PIK3CG: variants seen among roughly 807,000 people sequenced by gnomAD.
The protein encoded by PIK3CG is phosphatidylinositol-4,5-bisphosphate 3-kinase catalytic subunit gamma, also known as phosphatidylinositol 4,5-bisphosphate 3-kinase catalytic subunit gamma isoform.
A neutral mutation model predicts 102.3 loss-of-function variants in PIK3CG; 55 were observed. That is an observed-to-expected ratio of 0.54 (90% CI 0.43 to 0.67). The LOEUF is 0.67. PIK3CG is among the 30% of genes least tolerant of loss of function. The pLI is 0.00. For missense variants in PIK3CG, 1,258 were observed against 1,391.8 expected, an observed-to-expected ratio of 0.90 and a Z score of 1.53; for synonymous variants, 552 against 540.0, an observed-to-expected ratio of 1.02 and a Z score of -0.31.
At chr7:106,882,655 C>T (rs1288985516) in intron 7 of PIK3CG, 2 of 183,430 alleles carry the variant, frequency 1.1e-5, no homozygotes, top group Admixed American at 6.1e-5. Flanking sequence ...TATGTTTATT[C>T]AAGTTTCTGA....
At position 106,906,065 on chromosome 7, in the gene PIK3CG, T is replaced by G. The variant is rs1376850722; in HGVS notation, c.*678T>G. 4.4e-6 allele frequency: 1 copy of G among 226,776 alleles called. No individual in the cohort carries two copies. The highest frequency in any genetic ancestry group is 8.7e-6 in the Non-Finnish European group (1 of 114,800). The allele number at this position is 226,776 out of a possible 1,614,324, so 14.0% of individuals were successfully genotyped here. On this transcript the variant is annotated 3_prime_UTR_variant, in exon 11 of 11. Coordinates refer to ENST00000496166, the MANE Select transcript of PIK3CG (RefSeq NM_001282426.2). ...ATGAAAAAATAGAGATGAGACTTTT[T>G]GTGTCAACTCTGTCCACAAGAGTGA...
rs549170953 is a variant in PIK3CG, at chr7:106,868,692, C to A, written c.1131C>A (p.Thr377=). The A allele has an allele frequency of 6.8e-6, 11 of 1,614,206 alleles. No homozygotes were observed. The East Asian group carries it at 2.2e-4, about 33-fold the overall frequency. The change falls in exon 2 of 11, where the codon ACC becomes ACA. Residue 377 remains threonine (T), a synonymous_variant. Coordinates refer to ENST00000496166, the MANE Select transcript of PIK3CG (RefSeq NM_001282426.2). This position sits in a 1 kb window ranked among gnomAD's most constrained non-coding sequence, Gnocchi z 6.2. The stretch of plus-strand genomic sequence containing the variant: ...ATATCCCCGTCCTGCCTCGGAACAC[C>A]GACCTCACAGTTTTTGTAGAGGCAA... ...GIDIPVLPRN[T]DLTVFVEANI...
Position 106,895,679 on chromosome 7 carries a change from T to TAGCGTTG in PIK3CG, c.3030+9389_3030+9395dup, listed in dbSNP as rs1791389708. ...TGGTCTAGAGGGACAGTGAGCCCCT[T>TAGCGTTG]AGCGTTGAACAGTATGTGTATTCAA... On this transcript the variant is annotated intron_variant, in intron 10 of 10. Coordinates refer to ENST00000496166, the MANE Select transcript of PIK3CG (RefSeq NM_001282426.2). The surrounding 1 kb of genome is among the most constrained non-coding windows in gnomAD (Gnocchi z 5.4). 6.6e-6 allele frequency among the ~76,000 whole-genome samples: 1 copy of TAGCGTTG among 152,178 alleles called. No homozygotes were observed. Among genetic ancestry groups the TAGCGTTG allele is most frequent in the Non-Finnish European group, 1.5e-5 (1 of 68,032 alleles).
rs754310321 is a variant in PIK3CG, at chr7:106,883,021, A to G, written c.2630-12A>G. ...CCCCAATCTCCATCAGACTCTGTGC[A>G]TCCTTCTGTAGGAATGATCGAGATT... On this transcript the variant is annotated splice_polypyrimidine_tract_variant and intron_variant, in intron 7 of 10. Transcript: ENST00000496166. This position sits in a 1 kb window ranked among gnomAD's most constrained non-coding sequence, Gnocchi z 5.8. 13 of 1,613,448 alleles carry G rather than the reference A, an allele frequency of 8.1e-6. No homozygotes were observed. The South Asian group carries it at 1.3e-4, about 16-fold the overall frequency.
Position 106,903,741 on chromosome 7 carries a change from T to G in PIK3CG, c.3031-1368T>G, listed in dbSNP as rs1258661408. On this transcript the variant is annotated intron_variant, in intron 10 of 10. Coordinates refer to ENST00000496166, the MANE Select transcript of PIK3CG (RefSeq NM_001282426.2). This position sits in a 1 kb window ranked among gnomAD's most constrained non-coding sequence, Gnocchi z 4.3. ...TAAGTTTTCCTTCACTTTTCTGATT[T>G]TATTTTTTTTATTTATTTATTTATT... 4.3e-5 allele frequency among the ~76,000 whole-genome samples: 1 copy of G among 23,176 alleles called. No individual in the cohort carries two copies. The highest frequency in any genetic ancestry group is 1.3e-4 in the Non-Finnish European group (1 of 7,424). 15.2% of individuals were successfully genotyped at this position (23,176 alleles called of 152,430 possible).
Position 106,902,594 on chromosome 7 carries a change from GTTACTT to G in PIK3CG, c.3031-2512_3031-2507del, listed in dbSNP as rs1791587766. ...AGGTAAATTTTCCATCTCATTTTAAGTTACTTTTTTTAATATTAATGAAGTTGCATT... is the reference window on the plus strand; with the variant it reads ...AGGTAAATTTTCCATCTCATTTTAAGTTTTTAATATTAATGAAGTTGCATT... On this transcript the variant is annotated intron_variant, in intron 10 of 10. Coordinates refer to ENST00000496166, the MANE Select transcript of PIK3CG (RefSeq NM_001282426.2). The surrounding 1 kb of genome is among the most constrained non-coding windows in gnomAD (Gnocchi z 4.3). Among the ~76,000 whole-genome samples the G allele has an allele frequency of 6.7e-6, 1 of 149,938 alleles. No individual in the cohort carries two copies. The highest frequency in any genetic ancestry group is 2.4e-5 in the African/African-American group (1 of 40,924).
In PIK3CG at chr7:106,880,403, C is replaced by T. The variant is rs1316910229; in HGVS notation, c.2538+738C>T. On this transcript the variant is annotated intron_variant, in intron 6 of 10. Transcript: ENST00000496166. The surrounding 1 kb of genome is among the most constrained non-coding windows in gnomAD (Gnocchi z 4.2). Reference sequence around the variant, plus strand: ...TTCCAATTGTAAGTTTCTGTTTTTACTTATTTCTAATATAGAAACAGGAAT... The same window carrying T: ...TTCCAATTGTAAGTTTCTGTTTTTATTTATTTCTAATATAGAAACAGGAAT... 6.6e-6 allele frequency among the ~76,000 whole-genome samples: 1 copy of T among 152,084 alleles called. No homozygotes were observed. Among genetic ancestry groups the T allele is most frequent in the East Asian group, 1.9e-4 (1 of 5,194 alleles).
At position 106,872,747 on chromosome 7, in the gene PIK3CG, T is replaced by C. The variant is rs1160760959; in HGVS notation, c.2096T>C (p.Leu699Ser). The C allele has an allele frequency of 1.2e-6, 2 of 1,613,920 alleles. No homozygotes were observed. The highest frequency in any genetic ancestry group is 1.7e-6 in the Non-Finnish European group (2 of 1,179,902). The change falls in exon 4 of 11, where the codon TTG (leucine) becomes TCG (serine). Residue 699 changes from leucine (L) to serine (S), a missense_variant. By Grantham distance (145) the Leu-to-Ser change is moderately radical. Coordinates refer to ENST00000496166, the MANE Select transcript of PIK3CG (RefSeq NM_001282426.2). This position sits in a 1 kb window ranked among gnomAD's most constrained non-coding sequence, Gnocchi z 5.3. ...ATTGGTCACTTTTTGTTTTGGTTCT[T>C]GAGAAGTGAGATAGCCCAGTCCAGA... ...KRIGHFLFWF[L>S]RSEIAQSRHY...
At position 106,869,738 on chromosome 7, in the gene PIK3CG, C is replaced by A. The variant is rs28763990; in HGVS notation, c.1995+182C>A. Among the ~76,000 whole-genome samples, 1 of 152,042 alleles carries A rather than the reference C, an allele frequency of 6.6e-6. No individual in the cohort carries two copies. Among genetic ancestry groups the A allele is most frequent in the African/African-American group, 2.4e-5 (1 of 41,416 alleles). ...TGTTCCATGTACATTTTTACTGTCT[C>A]GGAGGGTTTGCTGACAAGGGTTTTG... On this transcript the variant is annotated intron_variant, in intron 2 of 10. Transcript: ENST00000496166. This position sits in a 1 kb window ranked among gnomAD's most constrained non-coding sequence, Gnocchi z 5.3.
In PIK3CG at chr7:106,897,115, T is replaced by G. The variant is rs1410398493; in HGVS notation, c.3031-7994T>G. On this transcript the variant is annotated intron_variant, in intron 10 of 10. Coordinates refer to ENST00000496166, the MANE Select transcript of PIK3CG (RefSeq NM_001282426.2). This position sits in a 1 kb window ranked among gnomAD's most constrained non-coding sequence, Gnocchi z 4.6. The stretch of plus-strand genomic sequence containing the variant: ...ATTAAATATCCTTCTACAGTATCTT[T>G]CTAGTAGTTCCAGGACATGCAATTT... 6.6e-6 allele frequency among the ~76,000 whole-genome samples: 1 copy of G among 152,258 alleles called. No individual in the cohort carries two copies. Among genetic ancestry groups the G allele is most frequent in the Non-Finnish European group, 1.5e-5 (1 of 68,048 alleles).
intron 10 of PIK3CG, among the ~76,000 whole-genome samples, chr7:106,904,341 T>C (rs1022181099): frequency 6.6e-6 from 1 of 152,214 alleles, no homozygotes; most frequent in African/African-American, 2.4e-5. Flanking sequence ...TTTTCTTTAA[T>C]ATACTATCTT....
At chr7:106,882,878 G>T in intron 7 of PIK3CG, 155 bp from the exon 8 acceptor site, 1 of 505,484 alleles carries the variant, frequency 2.0e-6, no homozygotes, top group Non-Finnish European at 3.2e-6. Context: ...TTCCTCATAA[G>T]AAAACCAATA....
At position 106,905,049 on chromosome 7, in the gene PIK3CG, T is replaced by G. The variant is rs574526146; in HGVS notation, c.3031-60T>G. The G allele has an allele frequency of 1.3e-5, 19 of 1,454,024 alleles. No individual in the cohort carries two copies. In the East Asian group the frequency reaches 4.1e-4, roughly 31 times the overall value. The allele number at this position is 1,454,024 out of a possible 1,614,324, so 90.1% of individuals were successfully genotyped here. A position where few individuals can be genotyped will look rare whatever the true frequency, so the allele number is the denominator to read the frequency against. ...TACATTTCAGTACATCCCTGTAATC[T>G]TCAGCCTACTTGTTAGTTACCATAA... On this transcript the variant is annotated intron_variant, in intron 10 of 10. Coordinates refer to ENST00000496166, the MANE Select transcript of PIK3CG (RefSeq NM_001282426.2). This position sits in a 1 kb window ranked among gnomAD's most constrained non-coding sequence, Gnocchi z 5.6.
intron 10 of PIK3CG, among the ~76,000 whole-genome samples, chr7:106,888,824 T>C (rs1472944894): frequency 6.6e-6 from 1 of 152,228 alleles, no homozygotes; most frequent in East Asian, 1.9e-4. Context: ...TGAGTTTGAA[T>C]GCTGGACCTG....
Position 106,867,413 on chromosome 7 carries a change from C to T in PIK3CG, c.-12-137C>T. 1 of 761,180 alleles carries T rather than the reference C, an allele frequency of 1.3e-6. No individual in the cohort carries two copies. Among genetic ancestry groups the T allele is most frequent in the East Asian group, 2.6e-5 (1 of 39,034 alleles). 47.2% of individuals were successfully genotyped at this position (761,180 alleles called of 1,614,324 possible). Reference sequence around the variant, plus strand: ...CACGCTCTGAAGGGCTGTAGTGCTTCCAGTTTAAAATACTTGGTCCCTCTG... The same window carrying T: ...CACGCTCTGAAGGGCTGTAGTGCTTTCAGTTTAAAATACTTGGTCCCTCTG... On this transcript the variant is annotated intron_variant, in intron 1 of 10. Coordinates refer to ENST00000496166, the MANE Select transcript of PIK3CG (RefSeq NM_001282426.2). This position sits in a 1 kb window ranked among gnomAD's most constrained non-coding sequence, Gnocchi z 5.1.
intron 2 of PIK3CG, among the ~76,000 whole-genome samples, chr7:106,870,207 A>G (rs1448646173): frequency 6.6e-6 from 1 of 152,190 alleles, no homozygotes; most frequent in Non-Finnish European, 1.5e-5. Flanking sequence ...AATATCTCAT[A>G]TCTGGGTAGA....
intron 6 of PIK3CG, among the ~76,000 whole-genome samples, chr7:106,881,356 G>A (rs1235130415): frequency 2.6e-5 from 4 of 152,136 alleles, no homozygotes; most frequent in African/African-American, 9.7e-5. Context: ...CCACATTATA[G>A]GGCAATGCAA....
intron 5 of PIK3CG, among the ~76,000 whole-genome samples, chr7:106,875,037 A>G (rs1334067559): frequency 6.6e-6 from 1 of 152,168 alleles, no homozygotes. Flanking sequence ...TGTATACAAT[A>G]AAAATTGTCC....
Position 106,899,127 on chromosome 7 carries a change from A to G in PIK3CG, c.3031-5982A>G, listed in dbSNP as rs564334380. ...TAGGTATTTTATTCTTTTTGTGGCA[A>G]TTGTGAACGGGATTGCCTTTCTGAT... On this transcript the variant is annotated intron_variant, in intron 10 of 10. Coordinates refer to ENST00000496166, the MANE Select transcript of PIK3CG (RefSeq NM_001282426.2). The surrounding 1 kb of genome is among the most constrained non-coding windows in gnomAD (Gnocchi z 4.6). Among the ~76,000 whole-genome samples, 6 of 152,090 alleles carry G rather than the reference A, an allele frequency of 3.9e-5. No homozygotes were observed. Among genetic ancestry groups the G allele is most frequent in the South Asian group, 4.2e-4 (2 of 4,812 alleles).
Sources: allele counts gnomAD v4.1 joint callset (sites outside exome capture counted in the v4.1 genomes callset), GRCh38; gene constraint gnomAD v4.1.1; non-coding constraint Gnocchi (gnomAD v3.1); transcripts MANE v1.5; gene names NCBI Gene and HGNC (gene_info 2026-07-23, HGNC 2026-07-21).